CLSTN2: variants seen among roughly 807,000 people sequenced by gnomAD.
The protein encoded by CLSTN2 is calsyntenin 2.
In CLSTN2, 48 loss-of-function variants were observed where a neutral mutation model predicts 101.2. The ratio of observed to expected loss-of-function variants is 0.47; its 90% CI spans 0.38 to 0.60. CLSTN2 has a LOEUF of 0.60. CLSTN2 is among the 20% of genes least tolerant of loss of function. The probability of loss-of-function intolerance (pLI) is 0.00; values close to 1 mark genes in which losing one functional copy is unlikely to be tolerated. For synonymous variants in CLSTN2, 481 were observed against 463.6 expected, an observed-to-expected ratio of 1.04 and a Z score of -0.48; for missense variants, 1,160 against 1,238.2, an observed-to-expected ratio of 0.94 and a Z score of 0.95.
chr3:140,350,038 G>A (rs2087588687), intron 2 of CLSTN2, among the ~76,000 whole-genome samples: 1 of 152,220 alleles, frequency 6.6e-6, no homozygotes, highest in African/African-American at 2.4e-5. Flanking sequence ...AAAGAGTCAG[G>A]AGTTAGACAA....
Position 140,301,749 on chromosome 3 carries a change from G to T in CLSTN2, c.233-101880G>T, listed in dbSNP as rs1025719504. Among the ~76,000 whole-genome samples the T allele has an allele frequency of 3.3e-5, 5 of 152,254 alleles. No individual in the cohort carries two copies. The South Asian group carries it at 8.3e-4, about 25-fold the overall frequency. On this transcript the variant is annotated intron_variant, in intron 2 of 16. Transcript: ENST00000458420. ...CAGGCTTCAGACTTCTGCTGTGTAG[G>T]CAGGGAGACCAGGTACTCCTCCTGG...
chr3:140,097,053 A>G (rs1016434843), intron 1 of CLSTN2, among the ~76,000 whole-genome samples: 7 of 152,192 alleles, frequency 4.6e-5, no homozygotes, highest in African/African-American at 1.7e-4. Flanking sequence ...GGACCAGCTT[A>G]GCTCTCAGAA....
rs747158662 is a variant in CLSTN2, at chr3:139,972,615, C to T, written c.109+37132C>T. ...ATGGCTTATAAGGATTCCATGAGCT[C>T]ATCCGTGGAAGCCCATAGCAGAAGG... On this transcript the variant is annotated intron_variant, in intron 1 of 16. Coordinates refer to ENST00000458420, the MANE Select transcript of CLSTN2 (RefSeq NM_022131.3). Among the ~76,000 whole-genome samples, 57 of 152,180 alleles carry T rather than the reference C, an allele frequency of 3.7e-4. 1 individual carries two copies. Among genetic ancestry groups the T allele is most frequent in the South Asian group, 1.2e-3 (6 of 4,828 alleles).
At chr3:139,950,307 T>C (rs1258976165) in intron 1 of CLSTN2, among the ~76,000 whole-genome samples, 1 of 152,070 alleles carries the variant, frequency 6.6e-6, no homozygotes, top group Non-Finnish European at 1.5e-5. Flanking sequence ...GTTGAGAGGG[T>C]CACCTTCTGA....
chr3:139,967,952 G>T (rs1935631573), intron 1 of CLSTN2, among the ~76,000 whole-genome samples: 1 of 152,034 alleles, frequency 6.6e-6, no homozygotes, highest in Non-Finnish European at 1.5e-5. Flanking sequence ...CACCTCTGAG[G>T]TCCCATAGTC....
Position 140,448,631 on chromosome 3 carries a change from G to C in CLSTN2, c.900G>C (p.Glu300Asp), listed in dbSNP as rs753793071. ...TGTCTTCCCTCCAGATCGTCACAGA[G>C]CTGCAGACTAATTACATTGGGAAGG... Reference protein sequence around the residue: ...GAVSSLQIVTELQTNYIGKGC... With the variant: ...GAVSSLQIVTDLQTNYIGKGC... The change falls in exon 6 of 17, where the codon GAG becomes GAC. Residue 300 changes from glutamate to aspartate, a missense_variant. Glu to Asp is a conservative substitution (Grantham distance 45). Transcript: ENST00000458420. 6.2e-7 allele frequency: 1 copy of C among 1,614,146 alleles called. No individual in the cohort carries two copies. The highest frequency in any genetic ancestry group is 8.5e-7 in the Non-Finnish European group (1 of 1,179,996).
At chr3:140,494,344 G>A (rs931410502) in intron 8 of CLSTN2, among the ~76,000 whole-genome samples, 1 of 152,192 alleles carries the variant, frequency 6.6e-6, no homozygotes, top group Non-Finnish European at 1.5e-5. Flanking sequence ...GACTGTGAGA[G>A]GTAAGAGAAT....
intron 1 of CLSTN2, among the ~76,000 whole-genome samples, chr3:140,035,769 T>C (rs1344579000): frequency 1.3e-5 from 2 of 152,228 alleles, no homozygotes; most frequent in Non-Finnish European, 2.9e-5. Flanking sequence ...AAAGTTTTAG[T>C]ATGGCTGTTA....
intron 2 of CLSTN2, among the ~76,000 whole-genome samples, chr3:140,382,690 C>G (rs1373299223): frequency 6.6e-6 from 1 of 152,182 alleles, no homozygotes; most frequent in East Asian, 1.9e-4. Flanking sequence ...TTTCCCACAG[C>G]TCTGGAGGCT....
chr3:140,373,783 A>G (rs1190003949), intron 2 of CLSTN2, among the ~76,000 whole-genome samples: 1 of 152,178 alleles, frequency 6.6e-6, no homozygotes, highest in South Asian at 2.1e-4. Flanking sequence ...AGCAAGGTGA[A>G]GCCTATCTTC....
At chr3:140,513,583 CTTTTTTTTTT>C (rs55778787) in intron 8 of CLSTN2, among the ~76,000 whole-genome samples, 4 of 117,768 alleles carry the variant, frequency 3.4e-5, no homozygotes, top group African/African-American at 1.0e-4. Flanking sequence ...TTTTTTCTTT[CTTTTTTTTTT>C]TTTTTTTGGG....
chr3:140,447,795 G>A (rs753856838), intron 5 of CLSTN2, among the ~76,000 whole-genome samples: 5 of 152,120 alleles, frequency 3.3e-5, no homozygotes, highest in Admixed American at 6.6e-5. Flanking sequence ...AAATGTCATC[G>A]GTGGCACATT....
At chr3:139,946,844 G>GGA (rs1208193440) in intron 1 of CLSTN2, among the ~76,000 whole-genome samples, 1 of 152,180 alleles carries the variant, frequency 6.6e-6, no homozygotes, top group Admixed American at 6.5e-5. Flanking sequence ...TTATTGCTCA[G>GGA]GCTTCCTGGA....
At chr3:140,309,648 C>T (rs1401666930) in intron 2 of CLSTN2, among the ~76,000 whole-genome samples, 1 of 152,118 alleles carries the variant, frequency 6.6e-6, no homozygotes, top group Non-Finnish European at 1.5e-5. Context: ...ATCAAGACAG[C>T]TATGCAGGGG....
intron 1 of CLSTN2, among the ~76,000 whole-genome samples, chr3:139,936,136 C>T (rs1935015434): frequency 6.6e-6 from 1 of 152,228 alleles, no homozygotes; most frequent in African/African-American, 2.4e-5. Flanking sequence ...CTCCCCTGCC[C>T]ACCCTGTTCC....
chr3:140,188,613 G>C (rs1159358748), intron 2 of CLSTN2, among the ~76,000 whole-genome samples: 1 of 152,184 alleles, frequency 6.6e-6, no homozygotes, highest in Non-Finnish European at 1.5e-5. Context: ...GACTAGAGGG[G>C]ACTGTGGTGA....
intron 2 of CLSTN2, among the ~76,000 whole-genome samples, chr3:140,214,672 C>T (rs2010899675): frequency 6.6e-6 from 1 of 152,182 alleles, no homozygotes; most frequent in Admixed American, 6.5e-5. Flanking sequence ...ATTTAAATAG[C>T]ATCTCCAAGG....
chr3:140,304,185 G>T (rs984346470), intron 2 of CLSTN2, among the ~76,000 whole-genome samples: 1 of 152,122 alleles, frequency 6.6e-6, no homozygotes, highest in Non-Finnish European at 1.5e-5. Flanking sequence ...GATAACTGTG[G>T]CTAACCTAAA....
At chr3:140,335,341 T>C (rs754707594) in intron 2 of CLSTN2, among the ~76,000 whole-genome samples, 1 of 152,142 alleles carries the variant, frequency 6.6e-6, no homozygotes, top group Admixed American at 6.5e-5. Flanking sequence ...TAAAGAAATA[T>C]AAATTTCGGT....
Sources: allele counts gnomAD v4.1 joint callset (sites outside exome capture counted in the v4.1 genomes callset), GRCh38; gene constraint gnomAD v4.1.1; transcripts MANE v1.5; gene names NCBI Gene and HGNC (gene_info 2026-07-23, HGNC 2026-07-21).